Variants in CDK5RAP3 observed in about 807,000 individuals in gnomAD.
CDK5RAP3 encodes the protein CDK5 regulatory subunit-associated protein 3.
A neutral mutation model predicts 73.3 loss-of-function variants in CDK5RAP3; 58 were observed. The ratio of observed to expected loss-of-function variants is 0.79; its 90% CI spans 0.64 to 0.98. The LOEUF is 0.98. Among genes scored for constraint, CDK5RAP3 ranks in the 50% least tolerant of loss-of-function variants. The probability of loss-of-function intolerance (pLI) is 0.00; values close to 1 mark genes in which losing one functional copy is unlikely to be tolerated. For synonymous variants in CDK5RAP3, 224 were observed against 247.5 expected, an observed-to-expected ratio of 0.91 and a Z score of 0.89; for missense variants, 525 against 615.8, an observed-to-expected ratio of 0.85 and a Z score of 1.56.
At chr17:47,974,081 G>A (rs756467026) in intron 4 of CDK5RAP3, 50 bp downstream of exon 4, 32 of 1,296,956 alleles carry the variant, frequency 2.5e-5, no homozygotes, top group East Asian at 1.6e-4. Context: ...CATCCAATCC[G>A]AGGAGTCATA....
At chr17:47,979,221 A>G (rs1033554227) in intron 11 of CDK5RAP3, 2 of 279,298 alleles carry the variant, frequency 7.2e-6, no homozygotes, top group Non-Finnish European at 6.8e-6. Flanking sequence ...TAAATAAATA[A>G]AATATGCAGG....
chr17:47,969,211 C>G (rs555449783), upstream of CDK5RAP3, among the ~76,000 whole-genome samples: 1 of 152,024 alleles, frequency 6.6e-6, no homozygotes, highest in African/African-American at 2.4e-5. Context: ...ATTTACTAAG[C>G]CTCAAGTGTT....
intron 2 of CDK5RAP3, 67 bp from the exon 3 acceptor site, chr17:47,973,452 C>T (rs142846554): frequency 1.3e-6 from 2 of 1,575,766 alleles, no homozygotes; most frequent in African/African-American, 1.3e-5. Context: ...GTGTATTTCA[C>T]TCGAATTAGT....
intron 9 of CDK5RAP3, 31 bp from the exon 10 acceptor site, chr17:47,977,801 C>T (rs35751035): frequency 6.3e-7 from 1 of 1,588,108 alleles, no homozygotes; most frequent in African/African-American, 1.3e-5. Flanking sequence ...AATTCTCCCC[C>T]CATTGCTGTG....
Position 47,981,572 on chromosome 17 carries a change from T to C in CDK5RAP3, c.*70T>C, listed in dbSNP as rs778246509. 2.0e-5 allele frequency: 33 copies of C among 1,613,408 alleles called. No individual in the cohort carries two copies. The highest frequency in any genetic ancestry group is 4.5e-5 in the East Asian group (2 of 44,878). On this transcript the variant is annotated 3_prime_UTR_variant, in exon 14 of 14. Coordinates refer to ENST00000338399, the MANE Select transcript of CDK5RAP3 (RefSeq NM_176096.3). ...GAAGATGATAGCCAGGGCTGTTGTT[T>C]TGGGGCCCTTCAAGGCAAAAGACCA...
chr17:47,972,238 C>T (rs2036287974), intron 2 of CDK5RAP3, among the ~76,000 whole-genome samples: 1 of 152,174 alleles, frequency 6.6e-6, no homozygotes, highest in Non-Finnish European at 1.5e-5. Context: ...CATACTTCCT[C>T]CCCAGTTCAT....
chr17:47,976,902 A>G, intron 9 of CDK5RAP3, 80 bp downstream of exon 9: 10 of 834,312 alleles, frequency 1.2e-5, no homozygotes, highest in Non-Finnish European at 1.9e-5. Flanking sequence ...CTGTAACGGC[A>G]TCACTTGAAG....
chr17:47,980,847 C>T (rs747937350), intron 12 of CDK5RAP3, 49 bp downstream of exon 12: 4 of 1,556,280 alleles, frequency 2.6e-6, no homozygotes, highest in South Asian at 2.2e-5. Context: ...GCAGCTCTGC[C>T]TCCTTGTATT....
At chr17:47,971,473 A>G in intron 2 of CDK5RAP3, 66 bp downstream of exon 2, 3 of 1,443,894 alleles carry the variant, frequency 2.1e-6, no homozygotes, top group Middle Eastern at 1.8e-4. Flanking sequence ...CCCTGTGTCC[A>G]ATAGCCGGGA....
upstream of CDK5RAP3, chr17:47,970,881 C>G: frequency 2.1e-6 from 3 of 1,429,946 alleles, no homozygotes; most frequent in South Asian, 1.4e-5. Flanking sequence ...CGCACCCCCT[C>G]CCGTCCCCTG....
intron 12 of CDK5RAP3, 148 bp from the exon 13 acceptor site, chr17:47,981,015 G>T: frequency 1.0e-6 from 1 of 967,714 alleles, no homozygotes; most frequent in Non-Finnish European, 1.5e-6. Flanking sequence ...CTGGGAGTGG[G>T]TTTTCCTTAA....
chr17:47,974,201 T>G (rs779397331), intron 4 of CDK5RAP3, 170 bp downstream of exon 4: 31 of 709,114 alleles, frequency 4.4e-5, no homozygotes, highest in Admixed American at 2.9e-4. Context: ...TCCCTGAGTT[T>G]AATTTTCAAA....
chr17:47,973,574 G>T lies in CDK5RAP3; in HGVS notation c.108G>T (p.Thr36=), dbSNP rs148294427. The change falls in exon 3 of 14, where the codon ACG becomes ACT. Residue 36 remains threonine, a synonymous_variant. Transcript: ENST00000338399. ...TGAAATGGCAGAGTCTGGTGCTGAC[G>T]ATCCGCGAGAAGATCAATGCTGCCA... ...CSLKWQSLVL[T]IREKINAAIQ... 5 of 1,614,060 alleles carry T rather than the reference G, an allele frequency of 3.1e-6. No homozygotes were observed. In the African/African-American group the frequency reaches 5.3e-5, roughly 17 times the overall value.
rs555677884 is a variant in CDK5RAP3 at position 47,976,775 on chromosome 17, G to A, written c.862G>A (p.Glu288Lys). 12 of 1,612,060 alleles carry A rather than the reference G, an allele frequency of 7.4e-6. No individual in the cohort carries two copies. The highest frequency in any genetic ancestry group is 2.2e-5 in the East Asian group (1 of 44,840). ...GGGGACTGACTCTGGCATCTCTGCC[G>A]AGGCTGCTGGAATCGACTGGGGCAT... is the stretch of plus-strand genomic sequence containing the variant. ...SEGTDSGISA[E>K]AAGIDWGIFP... Residue 288 changes from glutamate to lysine, a missense_variant, in exon 9 of 14, where the codon GAG (glutamate) becomes AAG (lysine). Glu to Lys is a moderately conservative substitution (Grantham distance 56, BLOSUM62 1). Around this residue, in one of 2 missense-constraint regions of CDK5RAP3, gnomAD observed 409 missense variants for 429.8 expected, o/e 0.95. Transcript: ENST00000338399.
At chr17:47,974,579 A>C in intron 5 of CDK5RAP3, 131 bp downstream of exon 5, 1 of 1,518,428 alleles carries the variant, frequency 6.6e-7, no homozygotes, top group South Asian at 1.3e-5. Context: ...GCCCATTTGT[A>C]GGTGGTAAAA....
upstream of CDK5RAP3, among the ~76,000 whole-genome samples, chr17:47,969,361 C>T (rs2036219430): frequency 1.3e-5 from 2 of 151,842 alleles, no homozygotes; most frequent in Non-Finnish European, 2.9e-5. Context: ...TCGAGACCAT[C>T]CTGGCTAACA....
upstream of CDK5RAP3, among the ~76,000 whole-genome samples, chr17:47,969,580 A>AAAAAAAAAAAAAAAAG (rs1567720961): frequency 2.3e-4 from 30 of 131,374 alleles, no homozygotes; most frequent in African/African-American, 8.5e-4. Context: ...AAAAAAAAAA[A>AAAAAAAAAAAAAAAAG]AAAAGAAAAG....
chr17:47,972,862 G>C (rs34153693), intron 2 of CDK5RAP3, among the ~76,000 whole-genome samples: 3,626 of 152,254 alleles, frequency 0.024, 135 homozygotes, highest in African/African-American at 0.082. Flanking sequence ...ACTTGCTCAA[G>C]AAACTTGATA....
At chr17:47,979,200 T>C in intron 11 of CDK5RAP3, 1 of 333,196 alleles carries the variant, frequency 3.0e-6, no homozygotes, top group Non-Finnish European at 5.5e-6. Flanking sequence ...GAATGCAGAC[T>C]GGAAAGAAGA....
Sources: gnomAD v4.1 joint callset for allele counts (sites outside exome capture counted in the v4.1 genomes callset) on GRCh38, gnomAD v4.1.1 for gene constraint, gnomAD v4.1.1 regional missense constraint, MANE v1.5 for transcripts, NCBI Gene and HGNC (gene_info 2026-07-23, HGNC 2026-07-21) for gene names.